DRICH1: variants seen among roughly 807,000 people sequenced by gnomAD.
DRICH1 encodes aspartate-rich protein 1.
A neutral mutation model predicts 39.5 loss-of-function variants in DRICH1; 38 were observed. The ratio of observed to expected loss-of-function variants is 0.96; its 90% CI spans 0.74 to 1.26. DRICH1 has a LOEUF of 1.26. Among genes scored for constraint, DRICH1 ranks in the 50% most tolerant of loss-of-function variants. DRICH1 has a pLI of 0.00. For missense variants in DRICH1, 279 were observed against 270.4 expected, an observed-to-expected ratio of 1.03 and a Z score of -0.22; for synonymous variants, 84 against 99.5, an observed-to-expected ratio of 0.84 and a Z score of 0.93.
intron 1 of DRICH1, chr22:23,630,480 A>G (rs1928324245): frequency 6.6e-6 from 1 of 152,178 alleles, no homozygotes; most frequent in Non-Finnish European, 1.5e-5. Context: ...AGTGAAAAAG[A>G]GGTCATTTAT....
At chr22:23,605,878 C>T (rs184961813), downstream of DRICH1, among the ~76,000 whole-genome samples, 35 of 151,970 alleles carry the variant, frequency 2.3e-4, no homozygotes, top group East Asian at 6.6e-3. Flanking sequence ...GTCAGGAGTT[C>T]GAGATCAGCC....
chr22:23,611,015 G>A (rs1393186423), intron 11 of DRICH1, among the ~76,000 whole-genome samples: 1 of 151,620 alleles, frequency 6.6e-6, no homozygotes, highest in Non-Finnish European at 1.5e-5. Flanking sequence ...TAACCTGTCA[G>A]TAACTTTTCA....
At chr22:23,602,949 T>G in the DRICH1 span, among the ~76,000 whole-genome samples, 3 of 151,030 alleles carry the variant, frequency 2.0e-5, no homozygotes, top group East Asian at 5.9e-4. Flanking sequence ...TTATTTTACC[T>G]CCCCCTAACA....
the DRICH1 span, among the ~76,000 whole-genome samples, chr22:23,595,306 T>C: frequency 2.4e-3 from 359 of 149,348 alleles, no homozygotes; most frequent in African/African-American, 8.7e-3. Context: ...GAAGGTTCCC[T>C]AACCCTTACT....
intron 7 of DRICH1, 137 bp downstream of exon 7, chr22:23,617,438 G>T: frequency 2.0e-6 from 2 of 989,598 alleles, no homozygotes; most frequent in Non-Finnish European, 1.6e-6. Context: ...CCTGCTTGTT[G>T]GGCCCCCTCT....
chr22:23,606,031 G>A (rs998747000), downstream of DRICH1, among the ~76,000 whole-genome samples: 14 of 148,488 alleles, frequency 9.4e-5, no homozygotes, highest in Admixed American at 4.1e-4. Context: ...CTGAGTTCAC[G>A]CCACTGCACT....
intron 6 of DRICH1, 129 bp from the exon 7 acceptor site, chr22:23,617,786 G>A: frequency 1.1e-6 from 1 of 890,044 alleles, no homozygotes; most frequent in South Asian, 1.4e-5. Context: ...GCTGGAAGAG[G>A]GATGGCAGAG....
the DRICH1 span, among the ~76,000 whole-genome samples, chr22:23,599,953 G>A: frequency 3.3e-5 from 5 of 152,186 alleles, no homozygotes; most frequent in African/African-American, 1.2e-4. Context: ...GGTTGATCCC[G>A]CTTTGCCTGG....
the DRICH1 span, among the ~76,000 whole-genome samples, chr22:23,593,051 G>A: frequency 2.2e-3 from 326 of 151,486 alleles, no homozygotes; most frequent in African/African-American, 7.4e-3. Flanking sequence ...AAAAAAAAAC[G>A]AAATTATTCC....
chr22:23,624,345 G>T (rs906421857), intron 3 of DRICH1: 64 of 984,814 alleles, frequency 6.5e-5, no homozygotes, highest in Non-Finnish European at 7.4e-5. Flanking sequence ...AAAGCAAGAA[G>T]AAATGATCAA....
At chr22:23,581,054 C>T in the DRICH1 span, 1 of 152,316 alleles carries the variant, frequency 6.6e-6, no homozygotes, top group South Asian at 2.1e-4. Flanking sequence ...ATGATTAAAT[C>T]AAGCTGACAC....
the DRICH1 span, among the ~76,000 whole-genome samples, chr22:23,590,278 A>ATTTTTTT: frequency 9.2e-4 from 127 of 137,508 alleles, no homozygotes; most frequent in Middle Eastern, 3.8e-3. Flanking sequence ...CAGCCCTTTG[A>ATTTTTTT]TTTTTTTTTT....
intron 2 of DRICH1, 52 bp downstream of exon 2, chr22:23,625,929 C>G (rs1213921943): frequency 6.9e-7 from 1 of 1,452,716 alleles, no homozygotes. Context: ...GAATTTGTTT[C>G]TGACATCAGG....
intron 8 of DRICH1, among the ~76,000 whole-genome samples, chr22:23,615,227 T>C (rs1431889597): frequency 6.6e-6 from 1 of 152,074 alleles, no homozygotes; most frequent in African/African-American, 2.4e-5. Context: ...TACAAAAAAA[T>C]TAGCCAGGCA....
chr22:23,590,272 C>T, the DRICH1 span, among the ~76,000 whole-genome samples: 1 of 145,864 alleles, frequency 6.9e-6, no homozygotes, highest in Admixed American at 6.9e-5. Context: ...GTATTTCAGC[C>T]CTTTGATTTT....
chr22:23,597,214 A>T, the DRICH1 span, among the ~76,000 whole-genome samples: 1,023 of 146,064 alleles, frequency 7.0e-3, 16 homozygotes, highest in African/African-American at 0.025. Flanking sequence ...AACTGTTGGC[A>T]GGACACAGTG....
Position 23,608,667 on chromosome 22 carries a change from GA to G in DRICH1, c.*96del. The G allele has an allele frequency of 8.4e-7, 1 of 1,196,648 alleles. No individual in the cohort carries two copies. The highest frequency in any genetic ancestry group is 1.2e-6 in the Non-Finnish European group (1 of 826,102). The allele number at this position is 1,196,648 out of a possible 1,614,324, so 74.1% of individuals were successfully genotyped here. A position where few individuals can be genotyped will look rare whatever the true frequency, so the allele number is the denominator to read the frequency against. On this transcript the variant is annotated 3_prime_UTR_variant, in exon 12 of 12. Coordinates refer to ENST00000317749, the MANE Select transcript of DRICH1 (RefSeq NM_016449.4). ...GACCAAGAGTTTTCCTCAGAATGTA[GA>G]GAGGATTGAGACCTCCAGGGGCAAA...
chr22:23,616,236 C>T (rs1330486490), intron 8 of DRICH1, among the ~76,000 whole-genome samples: 1 of 152,098 alleles, frequency 6.6e-6, no homozygotes, highest in Non-Finnish European at 1.5e-5. Flanking sequence ...GAACTCTGTC[C>T]TAAACCAAAG....
intron 6 of DRICH1, among the ~76,000 whole-genome samples, chr22:23,618,816 T>C (rs561922699): frequency 2.6e-5 from 4 of 152,138 alleles, no homozygotes; most frequent in Non-Finnish European, 5.9e-5. Flanking sequence ...TTTGGTTAAC[T>C]AGCTTATGTA....
Sources: gnomAD v4.1 joint callset for allele counts (sites outside exome capture counted in the v4.1 genomes callset) on GRCh38, gnomAD v4.1.1 for gene constraint, MANE v1.5 for transcripts, NCBI Gene and HGNC (gene_info 2026-07-23, HGNC 2026-07-21) for gene names.